SCO1: variants seen among roughly 807,000 people sequenced by gnomAD.
SCO1 encodes the protein cytochrome c oxidase assembly factor SCO1.
Under a neutral mutation model 34.0 loss-of-function variants are expected in SCO1, and 23 were observed. That is an observed-to-expected ratio of 0.68 (90% CI 0.49 to 0.96). SCO1 has a LOEUF of 0.96. Among genes scored for constraint, SCO1 ranks in the 40% least tolerant of loss-of-function variants. The pLI, the probability that SCO1 is intolerant of heterozygous loss-of-function variation, is 0.00. For synonymous variants in SCO1, 161 were observed against 145.5 expected, an observed-to-expected ratio of 1.11 and a Z score of -0.77; for missense variants, 404 against 381.6, an observed-to-expected ratio of 1.06 and a Z score of -0.49.
chr17:10,693,390 T>C (rs1272630660), intron 2 of SCO1, among the ~76,000 whole-genome samples: 1 of 151,950 alleles, frequency 6.6e-6, no homozygotes, highest in Non-Finnish European at 1.5e-5. Flanking sequence ...GGACCTTAGT[T>C]ACACACAGGA....
Position 10,684,989 on chromosome 17 carries a change from G to A in SCO1, c.771+1738C>T, listed in dbSNP as rs963216854. ...GGAATCCAAGTTTCCCTAATTCTACGAGGCACCACATCTGGAAGACAGGAT... is the reference window on the plus strand; with the variant it reads ...GGAATCCAAGTTTCCCTAATTCTACAAGGCACCACATCTGGAAGACAGGAT... On this transcript the variant is annotated intron_variant, in intron 5 of 5. Coordinates refer to ENST00000255390, the MANE Select transcript of SCO1 (RefSeq NM_004589.4). Among the ~76,000 whole-genome samples, 4 of 152,228 alleles carry A rather than the reference G, an allele frequency of 2.6e-5. No individual in the cohort carries two copies. The East Asian group carries it at 5.8e-4, about 22-fold the overall frequency.
chr17:10,694,007 C>A (rs2074707038), intron 2 of SCO1, among the ~76,000 whole-genome samples: 1 of 152,196 alleles, frequency 6.6e-6, no homozygotes, highest in Admixed American at 6.5e-5. Context: ...CCATTAATTA[C>A]ATGAGTAACT....
intron 4 of SCO1, among the ~76,000 whole-genome samples, chr17:10,689,223 G>T (rs1410675067): frequency 6.6e-6 from 1 of 151,888 alleles, no homozygotes; most frequent in Non-Finnish European, 1.5e-5. Flanking sequence ...TAACAGGTAT[G>T]TTCATTTTCT....
chr17:10,678,838 C>CA lies in SCO1; in HGVS notation c.*2280dup. 1 of 150,488 alleles carries CA rather than the reference C, an allele frequency of 6.6e-6. No homozygotes were observed. The allele number at this position is 150,488 out of a possible 1,614,324, so 9.3% of individuals were successfully genotyped here. ...CCTCACAGTTCTGGAGCTTGGAAGG[C>CA]AAAAATCAAGGAGTCAGCAGGGTTT... is the stretch of plus-strand genomic sequence containing the variant. On this transcript the variant is annotated 3_prime_UTR_variant, in exon 6 of 6. Transcript: ENST00000255390.
At position 10,686,731 on chromosome 17, in the gene SCO1, T is replaced by C; in HGVS notation, c.767A>G (p.Tyr256Cys). ...SPGPKDEDED[Y>C]IVDHTIIMYL... is the part of the protein sequence containing the mutation. ...AAAACTGGAACATTTACTCACTATG[T>C]AGTCTTCATCTTCGTCCTTGGGGCC... Residue 256 changes from tyrosine (Y) to cysteine (C), a missense_variant, in exon 5 of 6, where the codon TAC becomes TGC. Coordinates refer to ENST00000255390, the MANE Select transcript of SCO1 (RefSeq NM_004589.4). 2 of 1,588,532 alleles carry C rather than the reference T, an allele frequency of 1.3e-6. No individual in the cohort carries two copies. Among genetic ancestry groups the C allele is most frequent in the Non-Finnish European group, 1.7e-6 (2 of 1,156,588 alleles).
intron 4 of SCO1, among the ~76,000 whole-genome samples, chr17:10,690,679 C>T (rs2074684160): frequency 1.3e-5 from 2 of 152,232 alleles, no homozygotes; most frequent in South Asian, 4.1e-4. Context: ...AGGAATCTCA[C>T]TACTGGGTAT....
intron 5 of SCO1, among the ~76,000 whole-genome samples, chr17:10,682,085 T>G (rs1382940712): frequency 6.6e-6 from 1 of 152,186 alleles, no homozygotes; most frequent in Non-Finnish European, 1.5e-5. Flanking sequence ...AACTTTAACT[T>G]AGATTAGTCA....
intron 5 of SCO1, among the ~76,000 whole-genome samples, chr17:10,682,016 G>C (rs945431553): frequency 6.6e-6 from 1 of 152,164 alleles, no homozygotes; most frequent in Non-Finnish European, 1.5e-5. Flanking sequence ...CCTAACCAGA[G>C]AGTCATCGTA....
intron 1 of SCO1, among the ~76,000 whole-genome samples, chr17:10,696,075 A>AAAAG (rs2074722110): frequency 2.1e-5 from 3 of 145,592 alleles, no homozygotes; most frequent in Non-Finnish European, 4.5e-5. Context: ...TGTAAATAAA[A>AAAAG]AAAAAAAAAA....
intron 1 of SCO1, among the ~76,000 whole-genome samples, chr17:10,696,121 A>C (rs1047450314): frequency 7.0e-6 from 1 of 143,262 alleles, no homozygotes; most frequent in Non-Finnish European, 1.5e-5. Flanking sequence ...GATTGTTACT[A>C]TGTGTGACCC....
At chr17:10,692,586 C>T (rs2074696406) in intron 3 of SCO1, among the ~76,000 whole-genome samples, 178 bp downstream of exon 3, 1 of 152,186 alleles carries the variant, frequency 6.6e-6, no homozygotes, top group Non-Finnish European at 1.5e-5. Context: ...AAACAAGCTT[C>T]TTTCAGTGGA....
rs1247606413 is a variant in SCO1 at position 10,676,624 on chromosome 17, C to T, written c.*4495G>A. 6.6e-6 allele frequency: 1 copy of T among 152,198 alleles called. No homozygotes were observed. The highest frequency in any genetic ancestry group is 1.5e-5 in the Non-Finnish European group (1 of 68,030). The allele number at this position is 152,198 out of a possible 1,614,324, so 9.4% of individuals were successfully genotyped here. ...AAGTTTTCTTTCGGTTAAATACCCA[C>T]ATCAATGTTCTCATGAAATAGTGCA... is the stretch of plus-strand genomic sequence containing the variant. On this transcript the variant is annotated 3_prime_UTR_variant, in exon 6 of 6. Coordinates refer to ENST00000255390, the MANE Select transcript of SCO1 (RefSeq NM_004589.4).
At chr17:10,695,573 A>G (rs1597510669) in intron 2 of SCO1, 168 bp downstream of exon 2, 1 of 576,326 alleles carries the variant, frequency 1.7e-6, no homozygotes, top group East Asian at 3.0e-5. Flanking sequence ...CAAGATGTTA[A>G]TATTAGGGGA....
In SCO1 at chr17:10,675,124, A is replaced by G. The variant is rs201619; in HGVS notation, c.*5995T>C. The G allele has an allele frequency of 0.99, 150,270 of 152,384 alleles. 74,097 individuals are homozygous for G. The highest frequency in any genetic ancestry group is 1 in the East Asian group (5,168 of 5,172). The allele number at this position is 152,384 out of a possible 1,614,324, so 9.4% of individuals were successfully genotyped here. A position where few individuals can be genotyped will look rare whatever the true frequency, so the allele number is the denominator to read the frequency against. On this transcript the variant is annotated 3_prime_UTR_variant, in exon 6 of 6. Coordinates refer to ENST00000255390, the MANE Select transcript of SCO1 (RefSeq NM_004589.4). The stretch of plus-strand genomic sequence containing the variant: ...CAACTTTAGGTCCGTCCTCCAGCTT[A>G]GGGGTGACTAGAGCGATTGATTTCC...
In SCO1 at chr17:10,697,470, C is replaced by T. The variant is rs2151459577; in HGVS notation, c.38G>A (p.Arg13Gln). Residue 13 changes from arginine (R) to glutamine (Q), a missense_variant, in exon 1 of 6, where the codon CGG becomes CAG. Transcript: ENST00000255390. ...MLVLVPGRVMRPLGGQLWRFL... is the reference protein window; with the variant it reads ...MLVLVPGRVMQPLGGQLWRFL... ...GCGCCAAAGTTGGCCACCCAGAGGC[C>T]GCATAACTCGTCCGGGTACTAGGAC... 6.2e-7 allele frequency: 1 copy of T among 1,613,450 alleles called. No individual in the cohort carries two copies. The highest frequency in any genetic ancestry group is 8.5e-7 in the Non-Finnish European group (1 of 1,179,924).
intron 1 of SCO1, 117 bp downstream of exon 1, chr17:10,697,118 T>G (rs2074735101): frequency 9.7e-7 from 1 of 1,031,420 alleles, no homozygotes; most frequent in African/African-American, 1.6e-5. Flanking sequence ...GCGCGCAAGC[T>G]AAGGACAACT....
At chr17:10,696,071 TAA>T (rs869243005) in intron 1 of SCO1, among the ~76,000 whole-genome samples, 2 of 72,996 alleles carry the variant, frequency 2.7e-5, no homozygotes, top group Non-Finnish European at 5.0e-5. Context: ...TTCATGTAAA[TAA>T]AAAAAAAAAA....
intron 4 of SCO1, 122 bp from the exon 5 acceptor site, chr17:10,686,964 A>G: frequency 1.4e-6 from 1 of 708,518 alleles, no homozygotes; most frequent in Non-Finnish European, 2.6e-6. Context: ...GAGTCTCCAA[A>G]CATTTCTTCA....
At chr17:10,688,812 T>C (rs2074672363) in intron 4 of SCO1, among the ~76,000 whole-genome samples, 1 of 152,212 alleles carries the variant, frequency 6.6e-6, no homozygotes, top group African/African-American at 2.4e-5. Context: ...GACTAATCTT[T>C]ATCAATAGAA....
Sources: allele counts gnomAD v4.1 joint callset (sites outside exome capture counted in the v4.1 genomes callset), GRCh38; gene constraint gnomAD v4.1.1; transcripts MANE v1.5; gene names NCBI Gene and HGNC (gene_info 2026-07-23, HGNC 2026-07-21).